The following RIMKLA variants were observed in gnomAD, a reference collection of about 807,000 sequenced individuals.
RIMKLA encodes the protein N-acetylaspartylglutamate synthase A.
Under a neutral mutation model 32.7 loss-of-function variants are expected in RIMKLA, and 14 were observed. The observed-to-expected ratio is 0.43, with a 90% CI of 0.28 to 0.67. The LOEUF (loss-of-function observed/expected upper bound fraction) is 0.67. RIMKLA is among the 30% of genes least tolerant of loss of function. The pLI, the probability that RIMKLA is intolerant of heterozygous loss-of-function variation, is 0.18. For synonymous variants in RIMKLA, 176 were observed against 204.1 expected (o/e 0.86, Z 1.18); for missense variants, 410 against 519.0 (o/e 0.79, Z 2.04).
rs917590794 is a variant in RIMKLA at position 42,384,638 on chromosome 1, A to G, written c.163+3541A>G. On this transcript the variant is annotated intron_variant, in intron 1 of 4. Transcript: ENST00000431473. ...ATATACTATATATGTGTGTGTGTATATATATATATATAGTGTTTATTCTGT... is the reference window on the plus strand; with the variant it reads ...ATATACTATATATGTGTGTGTGTATGTATATATATATAGTGTTTATTCTGT... 9.3e-4 allele frequency among the ~76,000 whole-genome samples: 138 copies of G among 148,994 alleles called. 1 individual carries two copies. The highest frequency in any genetic ancestry group is 3.0e-3 in the African/African-American group (122 of 40,582).
At chr1:42,381,387 G>A (rs1642887974) in intron 1 of RIMKLA, among the ~76,000 whole-genome samples, 1 of 152,208 alleles carries the variant, frequency 6.6e-6, no homozygotes, top group Admixed American at 6.5e-5. Context: ...AGGTGTCCGA[G>A]GAAAATCAGG....
chr1:42,422,174 T>C lies in RIMKLA; in HGVS notation c.*7200T>C, dbSNP rs1435479683. 2 of 152,254 alleles carry C rather than the reference T, an allele frequency of 1.3e-5. No individual in the cohort carries two copies. The highest frequency in any genetic ancestry group is 2.9e-5 in the Non-Finnish European group (2 of 68,046). 9.4% of individuals were successfully genotyped at this position (152,254 alleles called of 1,614,324 possible). A position where few individuals can be genotyped will look rare whatever the true frequency, so the allele number is the denominator to read the frequency against. ...TTCCAGGGAGGTAGCATTTGTGTTGTATTTCTCAGAAGCAAGTGTCCTAGT... is the reference window on the plus strand; with the variant it reads ...TTCCAGGGAGGTAGCATTTGTGTTGCATTTCTCAGAAGCAAGTGTCCTAGT... On this transcript the variant is annotated 3_prime_UTR_variant, in exon 5 of 5. Coordinates refer to ENST00000431473, the MANE Select transcript of RIMKLA (RefSeq NM_173642.4).
intron 4 of RIMKLA, among the ~76,000 whole-genome samples, chr1:42,413,711 T>C (rs1643222016): frequency 6.6e-6 from 1 of 151,558 alleles, no homozygotes; most frequent in Non-Finnish European, 1.5e-5. Flanking sequence ...TGTTTTCCCA[T>C]GTAATTACAA....
At chr1:42,385,801 C>T (rs56233762) in intron 1 of RIMKLA, among the ~76,000 whole-genome samples, 1,907 of 59,264 alleles carry the variant, frequency 0.032, 108 homozygotes, top group Non-Finnish European at 0.04. Flanking sequence ...CTTTCTTTCT[C>T]TCTCTCTTTC....
chr1:42,381,140 G>T, intron 1 of RIMKLA, 43 bp downstream of exon 1: 2 of 1,239,200 alleles, frequency 1.6e-6, no homozygotes, highest in East Asian at 3.2e-5. Flanking sequence ...GCGCGCCGGG[G>T]TCCACGAGAG....
At position 42,414,659 on chromosome 1, in the gene RIMKLA, C is replaced by T. The variant is rs752951852; in HGVS notation, c.861C>T (p.Cys287=). 2 of 1,614,152 alleles carry T rather than the reference C, an allele frequency of 1.2e-6. No individual in the cohort carries two copies. Among genetic ancestry groups the T allele is most frequent in the Admixed American group, 3.3e-5 (2 of 60,016 alleles). The change falls in exon 5 of 5, where the codon TGC becomes TGT. Residue 287 remains cysteine (C), a synonymous_variant. Coordinates refer to ENST00000431473, the MANE Select transcript of RIMKLA (RefSeq NM_173642.4). ...NVGFLAFDQA[C]NLDVGGIIAD... is the part of the protein sequence containing the mutation. ...GCTTCCTAGCCTTTGACCAGGCATG[C>T]AACTTAGATGTGGGTGGGATCATTG... is the stretch of plus-strand genomic sequence containing the variant.
At chr1:42,394,478 C>T (rs1035260900) in intron 1 of RIMKLA, among the ~76,000 whole-genome samples, 1 of 152,112 alleles carries the variant, frequency 6.6e-6, no homozygotes, top group African/African-American at 2.4e-5. Context: ...TTACTTTAAA[C>T]GAGATAATGT....
At position 42,406,922 on chromosome 1, in the gene RIMKLA, A is replaced by C. The variant is rs572313439; in HGVS notation, c.481+2325A>C. ...TTTGAAGGGTTCTTGTATAATGTAG[A>C]TTCTTTTTTTTTTTTGAGATATGCT... On this transcript the variant is annotated intron_variant, in intron 3 of 4. Coordinates refer to ENST00000431473, the MANE Select transcript of RIMKLA (RefSeq NM_173642.4). Among the ~76,000 whole-genome samples the C allele has an allele frequency of 1.0e-4, 15 of 147,132 alleles. No individual in the cohort carries two copies. In the East Asian group the frequency reaches 3.0e-3, roughly 29 times the overall value.
At chr1:42,396,584 T>C (rs1643050266) in intron 1 of RIMKLA, 1 of 152,190 alleles carries the variant, frequency 6.6e-6, no homozygotes, top group Admixed American at 6.5e-5. Context: ...CCAGAAATGA[T>C]TGAATTCTTT....
At position 42,416,175 on chromosome 1, in the gene RIMKLA, TCA is replaced by T. The variant is rs1643247231; in HGVS notation, c.*1204_*1205del. The T allele has an allele frequency of 6.7e-6, 1 of 149,796 alleles. No individual in the cohort carries two copies. The highest frequency in any genetic ancestry group is 2.1e-4 in the South Asian group (1 of 4,740). The allele number at this position is 149,796 out of a possible 1,614,324, so 9.3% of individuals were successfully genotyped here. A position where few individuals can be genotyped will look rare whatever the true frequency, so the allele number is the denominator to read the frequency against. On this transcript the variant is annotated 3_prime_UTR_variant, in exon 5 of 5. Coordinates refer to ENST00000431473, the MANE Select transcript of RIMKLA (RefSeq NM_173642.4). ...GATGAGATCTTTCCCTTGGGAGAAATCACAGAGATGGAGTTTTCCATTTCTGC... is the reference window on the plus strand; with the variant it reads ...GATGAGATCTTTCCCTTGGGAGAAATCAGAGATGGAGTTTTCCATTTCTGC...
intron 1 of RIMKLA, among the ~76,000 whole-genome samples, chr1:42,395,729 T>C (rs1643037760): frequency 6.6e-6 from 1 of 152,190 alleles, no homozygotes; most frequent in South Asian, 2.1e-4. Context: ...GGTCCTTTCC[T>C]GAGAGGAGAT....
At chr1:42,404,166 A>G (rs1303024260) in intron 2 of RIMKLA, among the ~76,000 whole-genome samples, 1 of 152,204 alleles carries the variant, frequency 6.6e-6, no homozygotes, top group African/African-American at 2.4e-5. Flanking sequence ...CACACTTAGA[A>G]GAGGGGATTA....
intron 2 of RIMKLA, 116 bp from the exon 3 acceptor site, chr1:42,404,380 CAACTGGGTTTGAATG>C: frequency 1.5e-6 from 1 of 673,532 alleles, no homozygotes; most frequent in Non-Finnish European, 2.7e-6. Context: ...TCTGTTGAAT[CAACTGGGTTTGAATG>C]GCCTTAATCA....
chr1:42,402,078 G>T (rs533226744), intron 2 of RIMKLA, among the ~76,000 whole-genome samples: 1 of 152,170 alleles, frequency 6.6e-6, no homozygotes, highest in African/African-American at 2.4e-5. Context: ...TCTTCATGAA[G>T]ATGCCCCTAA....
At chr1:42,388,868 G>A (rs748735155) in intron 1 of RIMKLA, among the ~76,000 whole-genome samples, 2 of 152,178 alleles carry the variant, frequency 1.3e-5, no homozygotes, top group Admixed American at 6.5e-5. Flanking sequence ...AATGGGTCAC[G>A]GAGTCATTCT....
chr1:42,387,003 G>T (rs1437954637), intron 1 of RIMKLA, among the ~76,000 whole-genome samples: 2 of 151,668 alleles, frequency 1.3e-5, no homozygotes, highest in Non-Finnish European at 2.9e-5. Context: ...GGAAGTGGAG[G>T]TTGCAGTGAG....
intron 1 of RIMKLA, among the ~76,000 whole-genome samples, chr1:42,397,322 G>C (rs1643056008): frequency 6.6e-6 from 1 of 152,120 alleles, no homozygotes; most frequent in Non-Finnish European, 1.5e-5. Flanking sequence ...AACTTCATTA[G>C]CACCCTTTTC....
chr1:42,403,343 T>TC (rs1406132407), intron 2 of RIMKLA, among the ~76,000 whole-genome samples: 1 of 152,120 alleles, frequency 6.6e-6, no homozygotes, highest in Non-Finnish European at 1.5e-5. Flanking sequence ...GACAAACCAC[T>TC]AAAAAACCAG....
intron 1 of RIMKLA, among the ~76,000 whole-genome samples, chr1:42,389,057 A>G (rs897440252): frequency 1.6e-4 from 24 of 152,340 alleles, no homozygotes; most frequent in African/African-American, 5.8e-4. Context: ...GGATTTGACT[A>G]CTGGATCAGA....
Sources: gnomAD v4.1 joint callset for allele counts (sites outside exome capture counted in the v4.1 genomes callset) on GRCh38, gnomAD v4.1.1 for gene constraint, MANE v1.5 for transcripts, NCBI Gene and HGNC (gene_info 2026-07-23, HGNC 2026-07-21) for gene names.